Variants in EPB41 observed in about 807,000 individuals in gnomAD.
The protein encoded by EPB41 is erythrocyte membrane protein band 4.1.
Under a neutral mutation model 108.0 loss-of-function variants are expected in EPB41, and 65 were observed. That is an observed-to-expected ratio of 0.60 (90% CI 0.49 to 0.74). The LOEUF (loss-of-function observed/expected upper bound fraction) is 0.74, where lower values mean the gene tolerates loss of function less well. Ranked by LOEUF, EPB41 falls within the 30% of genes least tolerant of loss-of-function variation. The pLI is 0.00. For synonymous variants in EPB41, 336 were observed against 358.9 expected (o/e 0.94, Z 0.72); for missense variants, 875 against 1,037.0 (o/e 0.84, Z 2.15).
intron 1 of EPB41, among the ~76,000 whole-genome samples, chr1:28,970,256 G>A (rs1481594660): frequency 6.6e-6 from 1 of 151,970 alleles, no homozygotes; most frequent in Non-Finnish European, 1.5e-5. Context: ...CCATGATCCA[G>A]TTCATGTTTG....
chr1:29,079,071 C>T (rs1304321488), intron 16 of EPB41, among the ~76,000 whole-genome samples: 3 of 151,946 alleles, frequency 2.0e-5, no homozygotes, highest in South Asian at 4.2e-4. Context: ...TCTCGGCTCA[C>T]GGCAACCTCC....
intron 1 of EPB41, among the ~76,000 whole-genome samples, chr1:28,922,689 G>A (rs779898095): frequency 4.0e-5 from 6 of 149,700 alleles, no homozygotes; most frequent in Admixed American, 6.7e-5. Context: ...GTGCAGTGGC[G>A]CGATCTCGGC....
chr1:28,892,517 T>C (rs2090230786), intron 1 of EPB41, among the ~76,000 whole-genome samples: 1 of 151,596 alleles, frequency 6.6e-6, no homozygotes, highest in Non-Finnish European at 1.5e-5. Flanking sequence ...AGGTCAGGAG[T>C]TTGAGACCAG....
In EPB41 at chr1:29,018,149, C is replaced by T. The variant is rs1236637982; in HGVS notation, c.906-75C>T. On this transcript the variant is annotated intron_variant, in intron 6 of 20. Coordinates refer to ENST00000343067, the MANE Select transcript of EPB41 (RefSeq NM_001376013.1). The surrounding 1 kb of genome is among the most constrained non-coding windows in gnomAD (Gnocchi z 4.4). ...TTCTCTCTCTCCCTTTCTGTTTCTC[C>T]CCTTTTCTCCTTTTTCTCTCTTTAT... 3.0e-6 allele frequency: 4 copies of T among 1,339,252 alleles called. No homozygotes were observed. The highest frequency in any genetic ancestry group is 4.3e-6 in the Non-Finnish European group (4 of 938,844). The allele number at this position is 1,339,252 out of a possible 1,614,324, so 83.0% of individuals were successfully genotyped here.
At chr1:28,926,976 G>T (rs1279337390) in intron 1 of EPB41, among the ~76,000 whole-genome samples, 1 of 152,202 alleles carries the variant, frequency 6.6e-6, no homozygotes, top group Non-Finnish European at 1.5e-5. Context: ...CCATTTCACA[G>T]CAAGTCTGGC....
intron 1 of EPB41, among the ~76,000 whole-genome samples, chr1:28,908,769 C>T (rs1321790564): frequency 6.6e-6 from 1 of 151,802 alleles, no homozygotes; most frequent in African/African-American, 2.4e-5. Context: ...GAAACAAACT[C>T]AATGTCCAAT....
At chr1:29,097,659 C>T (rs1303547679) in intron 16 of EPB41, 148 bp from the exon 17 acceptor site, 8 of 878,166 alleles carry the variant, frequency 9.1e-6, no homozygotes, top group East Asian at 2.6e-5. Context: ...GGAATACTGT[C>T]GAAGTCTTAG....
At chr1:28,982,837 G>A (rs2149460558) in intron 1 of EPB41, among the ~76,000 whole-genome samples, 1 of 152,224 alleles carries the variant, frequency 6.6e-6, no homozygotes, top group Non-Finnish European at 1.5e-5. Flanking sequence ...ATTTTATCAT[G>A]TAAAGTAGCC....
chr1:28,981,768 T>C (rs746606914), intron 1 of EPB41, among the ~76,000 whole-genome samples: 1 of 152,168 alleles, frequency 6.6e-6, no homozygotes, highest in Non-Finnish European at 1.5e-5. Context: ...AACATTGACT[T>C]CGTGTGTAAG....
At chr1:29,006,935 T>C (rs1336648468) in intron 4 of EPB41, among the ~76,000 whole-genome samples, 1 of 152,072 alleles carries the variant, frequency 6.6e-6, no homozygotes, top group Non-Finnish European at 1.5e-5. Flanking sequence ...TTCATCCTGA[T>C]GTCTATCACC....
chr1:28,995,392 T>A (rs1467395585), intron 3 of EPB41, among the ~76,000 whole-genome samples: 1 of 152,048 alleles, frequency 6.6e-6, no homozygotes, highest in Non-Finnish European at 1.5e-5. Context: ...TGAAACCCCG[T>A]CTCTACTAAA....
At position 29,058,826 on chromosome 1, in the gene EPB41, A is replaced by C. The variant is rs1003754107; in HGVS notation, c.1918A>C (p.Thr640Pro). The C allele has an allele frequency of 8.4e-6, 13 of 1,548,724 alleles. No homozygotes were observed. Among genetic ancestry groups the C allele is most frequent in the Non-Finnish European group, 1.1e-5 (13 of 1,146,348 alleles). ...GGCAAAACAGAAGCTTGCAGAAAAA[A>C]CTGAAGATCTGATAAGAATGAGGAA... ...GDQTQKLAEK[T>P]EDLIRMRKKK... The change falls in exon 14 of 21, where the codon ACT (threonine) becomes CCT (proline). Residue 640 changes from threonine to proline, a missense_variant. By Grantham distance (38) the Thr-to-Pro change is conservative (BLOSUM62 -1). This residue lies in a region of EPB41 where 519 missense variants were observed against 627.3 expected (regional missense o/e 0.83). Coordinates refer to ENST00000343067, the MANE Select transcript of EPB41 (RefSeq NM_001376013.1).
chr1:28,987,990 C>T (rs543202270), intron 2 of EPB41, 85 bp downstream of exon 2: 39 of 1,433,840 alleles, frequency 2.7e-5, no homozygotes, highest in East Asian at 2.5e-4. Context: ...GGGCTGGGCG[C>T]GGTGGCTCAT....
At chr1:28,904,979 C>T (rs1008120246) in intron 1 of EPB41, among the ~76,000 whole-genome samples, 17 of 146,310 alleles carry the variant, frequency 1.2e-4, no homozygotes, top group Non-Finnish European at 2.2e-4. Flanking sequence ...TGTAGTGAGC[C>T]GAGATCATGC....
upstream of EPB41, among the ~76,000 whole-genome samples, chr1:28,913,931 A>G (rs1238085588): frequency 2.0e-5 from 3 of 152,208 alleles, no homozygotes; most frequent in Non-Finnish European, 4.4e-5. Flanking sequence ...AGATCCTTAA[A>G]TGCAGAAGAC....
intron 1 of EPB41, among the ~76,000 whole-genome samples, chr1:28,934,686 G>GTGTGTGTGTGTGTGTGTT (rs2093916027): frequency 6.6e-6 from 1 of 151,384 alleles, no homozygotes; most frequent in African/African-American, 2.4e-5. Flanking sequence ...GTGTGTGTGT[G>GTGTGTGTGTGTGTGTGTT]TGTGTGTGTG....
chr1:29,025,813 G>C (rs556533728), intron 7 of EPB41, among the ~76,000 whole-genome samples: 1 of 151,878 alleles, frequency 6.6e-6, no homozygotes, highest in East Asian at 1.9e-4. Flanking sequence ...TTGGGATATT[G>C]AGGCCTAAGC....
chr1:28,934,930 A>G (rs1357113938), intron 1 of EPB41, among the ~76,000 whole-genome samples: 1 of 151,720 alleles, frequency 6.6e-6, no homozygotes, highest in African/African-American at 2.4e-5. Context: ...CATGGACAAC[A>G]TAGTGAGGCC....
At chr1:28,924,860 G>C (rs539742113) in intron 1 of EPB41, among the ~76,000 whole-genome samples, 1 of 152,124 alleles carries the variant, frequency 6.6e-6, no homozygotes, top group East Asian at 1.9e-4. Flanking sequence ...GCAGTGGTGT[G>C]GTCACAGCTC....
Sources: allele counts gnomAD v4.1 joint callset (sites outside exome capture counted in the v4.1 genomes callset), GRCh38; gene constraint gnomAD v4.1.1; regional missense constraint gnomAD v4.1.1; non-coding constraint Gnocchi (gnomAD v3.1); transcripts MANE v1.5; gene names NCBI Gene and HGNC (gene_info 2026-07-23, HGNC 2026-07-21).